BRD4: variants seen among roughly 807,000 people sequenced by gnomAD.
The protein encoded by BRD4 is bromodomain-containing protein 4.
BRD4 carries 16 observed loss-of-function variants against 142.1 expected under a neutral mutation model. That is an observed-to-expected ratio of 0.11 (90% confidence interval 0.08 to 0.17). BRD4 has a LOEUF of 0.17. Among genes scored for constraint, BRD4 ranks in the 10% least tolerant of loss-of-function variants. The pLI is 1.00. For missense variants in BRD4, 1,424 were observed against 1,810.9 expected (o/e 0.79, Z 3.88); for synonymous variants, 833 against 707.5 (o/e 1.18, Z -2.82).
intron 1 of BRD4, among the ~76,000 whole-genome samples, chr19:15,315,447 G>C (rs575757779): frequency 2.8e-4 from 43 of 152,176 alleles, no homozygotes; most frequent in African/African-American, 8.9e-4. Context: ...TGTTGACCGA[G>C]TTCCACTTGG....
rs548237162 is a variant in BRD4, at chr19:15,304,109, G to A, written c.-35+28181C>T. ...AGGTAAACCCAAAGTCCCTCTGATC[G>A]CTAACTTTTTTACACTTACCACATA... On this transcript the variant is annotated intron_variant, in intron 1 of 19. Coordinates refer to ENST00000679869, the MANE Select transcript of BRD4 (RefSeq NM_001379291.1). 5.9e-5 allele frequency among the ~76,000 whole-genome samples: 9 copies of A among 152,266 alleles called. No individual in the cohort carries two copies. In the South Asian group the frequency reaches 1.2e-3, roughly 21 times the overall value.
Position 15,265,384 on chromosome 19 carries a change from G to T in BRD4, c.819C>A (p.Pro273=), listed in dbSNP as rs201023956. 6.6e-7 allele frequency: 1 copy of T among 1,518,544 alleles called. No homozygotes were observed. Among genetic ancestry groups the T allele is most frequent in the East Asian group, 2.3e-5 (1 of 43,858 alleles). 94.1% of individuals were successfully genotyped at this position (1,518,544 alleles called of 1,614,324 possible). A position where few individuals can be genotyped will look rare whatever the true frequency, so the allele number is the denominator to read the frequency against. ...CAGGCTGTGGGGTGGCCGCGATGATGGGTGGGTGGCTCTGTACGGGCTGGG... is the reference window on the plus strand; with the variant it reads ...CAGGCTGTGGGGTGGCCGCGATGATTGGTGGGTGGCTCTGTACGGGCTGGG... ...PAPQPVQSHP[P]IIAATPQPVK... is the part of the protein sequence containing the mutation. Residue 273 remains proline (P), a synonymous_variant, in exon 5 of 20, where the codon CCC becomes CCA. Coordinates refer to ENST00000679869, the MANE Select transcript of BRD4 (RefSeq NM_001379291.1).
At chr19:15,241,124 G>A (rs757717058) in intron 14 of BRD4, among the ~76,000 whole-genome samples, 2 of 152,222 alleles carry the variant, frequency 1.3e-5, no homozygotes, top group African/African-American at 2.4e-5. Flanking sequence ...TCCTGTCCCC[G>A]CAGCCCACTG....
intron 1 of BRD4, chr19:15,331,968 C>A (rs1322064764): frequency 7.3e-6 from 1 of 137,514 alleles, no homozygotes; most frequent in Admixed American, 7.0e-5. Context: ...GACCGCCGGC[C>A]CCGCCGCGGC....
At chr19:15,329,459 G>A (rs1240168304) in intron 1 of BRD4, among the ~76,000 whole-genome samples, 1 of 152,138 alleles carries the variant, frequency 6.6e-6, no homozygotes, top group Non-Finnish European at 1.5e-5. Flanking sequence ...AAACAAAACA[G>A]GCCGGGCGCA....
chr19:15,315,818 T>G (rs944775535), intron 1 of BRD4, among the ~76,000 whole-genome samples: 1 of 150,802 alleles, frequency 6.6e-6, no homozygotes, highest in East Asian at 2.0e-4. Context: ...ATCACACCAC[T>G]GCACTCCAGC....
Position 15,247,754 on chromosome 19 carries a change from C to T in BRD4, c.2159-2992G>A, listed in dbSNP as rs1599439234. ...GGCAGGCGGGACTGCAACAGGAACA[C>T]ATCAGGCGCAGGCCAAAGGGCAGCT... On this transcript the variant is annotated intron_variant, in intron 11 of 19. Transcript: ENST00000679869. The T allele has an allele frequency of 1.7e-5, 4 of 233,110 alleles. No individual in the cohort carries two copies. In the East Asian group the frequency reaches 2.4e-4, roughly 14 times the overall value. The allele number at this position is 233,110 out of a possible 1,614,324, so 14.4% of individuals were successfully genotyped here.
chr19:15,307,436 T>G (rs888493951), intron 1 of BRD4, among the ~76,000 whole-genome samples: 2 of 152,198 alleles, frequency 1.3e-5, no homozygotes, highest in African/African-American at 4.8e-5. Flanking sequence ...AGTGGGTGAA[T>G]GTCCATTTTG....
At chr19:15,259,189 C>A (rs558232582) in intron 7 of BRD4, among the ~76,000 whole-genome samples, 1 of 152,314 alleles carries the variant, frequency 6.6e-6, no homozygotes, top group Admixed American at 6.5e-5. Flanking sequence ...AAGAGCCAGG[C>A]CTGCTGCCAA....
intron 14 of BRD4, among the ~76,000 whole-genome samples, chr19:15,241,915 C>T (rs558522944): frequency 6.0e-5 from 9 of 151,050 alleles, no homozygotes; most frequent in South Asian, 2.1e-4. Context: ...CAGACTCAAG[C>T]GATTCTCCCG....
chr19:15,305,842 G>A (rs977684909), intron 1 of BRD4, among the ~76,000 whole-genome samples: 1 of 152,176 alleles, frequency 6.6e-6, no homozygotes, highest in Non-Finnish European at 1.5e-5. Context: ...GTTTACTGTA[G>A]CCACCTTTAT....
chr19:15,329,065 G>A (rs1387424430), intron 1 of BRD4, among the ~76,000 whole-genome samples: 2 of 151,358 alleles, frequency 1.3e-5, no homozygotes, highest in South Asian at 2.1e-4. Flanking sequence ...GAGCCACCAC[G>A]CCCGGCGCAT....
intron 11 of BRD4, chr19:15,249,419 G>A (rs2145539986): frequency 2.6e-6 from 4 of 1,518,100 alleles, no homozygotes; most frequent in South Asian, 1.2e-5. Flanking sequence ...CACAAGAACG[G>A]CACTGGAGAC....
At chr19:15,243,834 G>C (rs1400666419) in intron 13 of BRD4, among the ~76,000 whole-genome samples, 1 of 152,180 alleles carries the variant, frequency 6.6e-6, no homozygotes, top group East Asian at 1.9e-4. Flanking sequence ...TCCCCCAGGT[G>C]AGTGCTGTCC....
rs976384639 is a variant in BRD4, at chr19:15,240,015, G to A, written c.3177C>T (p.Leu1059=). ...HKSDPYSTGH[L]REAPSPLMIH... is the part of the protein sequence containing the mutation. ...TCATAAGCGGGGAGGGGGCTTCGCG[G>A]AGGTGACCTAGGAGAAGGGACAAGG... The change falls in exon 15 of 20, where the codon CTC becomes CTT. Residue 1059 remains leucine, a synonymous_variant. Coordinates refer to ENST00000679869, the MANE Select transcript of BRD4 (RefSeq NM_001379291.1). 1 of 1,610,986 alleles carries A rather than the reference G, an allele frequency of 6.2e-7. No individual in the cohort carries two copies. The highest frequency in any genetic ancestry group is 1.3e-5 in the African/African-American group (1 of 74,908).
chr19:15,303,865 G>C (rs955462226), intron 1 of BRD4, among the ~76,000 whole-genome samples: 2 of 152,144 alleles, frequency 1.3e-5, no homozygotes, highest in African/African-American at 4.8e-5. Flanking sequence ...GGACCAACAA[G>C]CATTTGATGG....
At chr19:15,323,729 T>C (rs1056544706) in intron 1 of BRD4, among the ~76,000 whole-genome samples, 9 of 152,122 alleles carry the variant, frequency 5.9e-5, no homozygotes, top group Non-Finnish European at 1.0e-4. Context: ...GTCTCCTGAC[T>C]AACAGCAGCT....
chr19:15,321,254 G>C (rs1033141074), intron 1 of BRD4, among the ~76,000 whole-genome samples: 1 of 149,038 alleles, frequency 6.7e-6, no homozygotes, highest in Non-Finnish European at 1.5e-5. Flanking sequence ...GGAAAGAAAG[G>C]AAAGAAAACA....
rs147277784 is a variant in BRD4, at chr19:15,237,406, C to T, written c.*971G>A. ...TTTTTTGAGCTTTTTTCTTTTTTCA[C>T]ACCAGTTTGGTGGAGTCACCAACAA... On this transcript the variant is annotated 3_prime_UTR_variant, in exon 20 of 20. Transcript: ENST00000679869. 2.0e-3 allele frequency: 452 copies of T among 222,632 alleles called. 5 individuals carry two copies. The East Asian group carries it at 0.021, about 10-fold the overall frequency. 13.8% of individuals were successfully genotyped at this position (222,632 alleles called of 1,614,324 possible). A position where few individuals can be genotyped will look rare whatever the true frequency, so the allele number is the denominator to read the frequency against.
Sources: gnomAD v4.1 joint callset for allele counts (sites outside exome capture counted in the v4.1 genomes callset) on GRCh38, gnomAD v4.1.1 for gene constraint, MANE v1.5 for transcripts, NCBI Gene and HGNC (gene_info 2026-07-23, HGNC 2026-07-21) for gene names.